Variants in EPS8L2 observed in about 807,000 individuals in gnomAD.
EPS8L2 encodes EPS8 signaling adaptor L2, also known as epidermal growth factor receptor kinase substrate 8-like protein 2.
EPS8L2 carries 81 observed loss-of-function variants against 99.4 expected under a neutral mutation model. That is an observed-to-expected ratio of 0.82 (90% CI 0.68 to 0.98). The LOEUF (loss-of-function observed/expected upper bound fraction) is 0.98. Among genes scored for constraint, EPS8L2 ranks in the 50% least tolerant of loss-of-function variants. EPS8L2 has a pLI of 0.00. For synonymous variants in EPS8L2, 509 were observed against 407.3 expected (o/e 1.25, Z -3.01); for missense variants, 1,155 against 968.8 (o/e 1.19, Z -2.55).
chr11:714,642 AATTTT>A (rs1564971860), intron 4 of EPS8L2, among the ~76,000 whole-genome samples: 1 of 144,834 alleles, frequency 6.9e-6, no homozygotes, highest in East Asian at 2.0e-4. Context: ...TTAATTTTTA[AATTTT>A]ATTTTATATT....
chr11:719,184 C>T (rs2133520148), intron 4 of EPS8L2, among the ~76,000 whole-genome samples: 1 of 150,152 alleles, frequency 6.7e-6, no homozygotes, highest in East Asian at 2.0e-4. Flanking sequence ...CTAGGCTGGT[C>T]TCGAACTCCT....
intron 4 of EPS8L2, among the ~76,000 whole-genome samples, chr11:716,381 T>C (rs1483801742): frequency 1.3e-5 from 2 of 151,982 alleles, no homozygotes; most frequent in African/African-American, 4.8e-5. Context: ...ATCTCCTGAC[T>C]TTGTGATCTG....
chr11:724,815 G>C lies in EPS8L2; in HGVS notation c.1546G>C (p.Asp516His). The part of the protein sequence containing the change: ...RNANELSVLK[D>H]EVLEVLEDGR... Reference sequence around the variant, plus strand: ...TGCCAACGAGCTATCGGTGCTCAAGGATGAGGTCCTAGAGGTGAGGGGCTG... The same window carrying C: ...TGCCAACGAGCTATCGGTGCTCAAGCATGAGGTCCTAGAGGTGAGGGGCTG... Residue 516 changes from aspartate (D) to histidine (H), a missense_variant, in exon 16 of 21, where the codon GAT (aspartate) becomes CAT (histidine). Asp to His is a moderately conservative substitution (Grantham distance 81, BLOSUM62 -1). Transcript: ENST00000318562. This position sits in a 1 kb window ranked among gnomAD's most constrained non-coding sequence, Gnocchi z 5.5. 1 of 1,612,824 alleles carries C rather than the reference G, an allele frequency of 6.2e-7. No individual in the cohort carries two copies. The highest frequency in any genetic ancestry group is 1.3e-5 in the African/African-American group (1 of 75,056).
chr11:722,132 GCTCGTGCACTTC>G lies in EPS8L2; in HGVS notation c.1030_1041del (p.Val344_Leu347del). On this transcript the variant is annotated inframe_deletion, in exon 12 of 21. Transcript: ENST00000318562. ...ACATCCAGAACCCCAGCGCCGCGGA[GCTCGTGCACTTC>G]CTCTTCGGGCCTCTGGACCTGGTGC... The G allele has an allele frequency of 1.2e-6, 2 of 1,612,958 alleles. No individual in the cohort carries two copies. Among genetic ancestry groups the G allele is most frequent in the Non-Finnish European group, 1.7e-6 (2 of 1,179,872 alleles).
rs1490694172 is a variant in EPS8L2 at position 724,111 on chromosome 11, C to T, written c.1455-613C>T. On this transcript the variant is annotated intron_variant, in intron 15 of 20. Transcript: ENST00000318562. The surrounding 1 kb of genome is among the most constrained non-coding windows in gnomAD (Gnocchi z 5.5). ...TCCATGGCCACTTCATTTCCCTGAG[C>T]ACCTGGACACGGGAGCTGCCCTGAT... Among the ~76,000 whole-genome samples the T allele has an allele frequency of 6.6e-6, 1 of 152,184 alleles. No homozygotes were observed. The highest frequency in any genetic ancestry group is 2.4e-5 in the African/African-American group (1 of 41,446).
At chr11:718,481 A>ATTTTTTTTTTTT (rs748666010) in intron 4 of EPS8L2, among the ~76,000 whole-genome samples, 1 of 141,030 alleles carries the variant, frequency 7.1e-6, no homozygotes, top group Non-Finnish European at 1.5e-5. Context: ...TGCTTTTTTA[A>ATTTTTTTTTTTT]TTTTTTTTTT....
At chr11:714,007 C>T (rs1232709476) in intron 4 of EPS8L2, among the ~76,000 whole-genome samples, 6 of 152,164 alleles carry the variant, frequency 3.9e-5, no homozygotes, top group South Asian at 2.1e-4. Flanking sequence ...GCTGGGATGA[C>T]GGACTGAGTC....
intron 1 of EPS8L2, 37 bp from the exon 2 acceptor site, chr11:709,293 C>G: frequency 7.8e-7 from 1 of 1,276,938 alleles, no homozygotes; most frequent in Non-Finnish European, 1.1e-6. Context: ...CCAGCCAGGC[C>G]GGAGGAAGTG....
Position 709,554 on chromosome 11 carries a change from G to A in EPS8L2, c.46G>A (p.Gly16Ser), listed in dbSNP as rs1220186047. 16 of 1,612,914 alleles carry A rather than the reference G, an allele frequency of 9.9e-6. No individual in the cohort carries two copies. The highest frequency in any genetic ancestry group is 1.3e-5 in the Non-Finnish European group (15 of 1,179,910). Reference protein sequence around the residue: ...AVSCCPGATNGSLGRSDGVAK... With the variant: ...AVSCCPGATNSSLGRSDGVAK... ...GCCCTGACAGCCCCTCCCCTGCAGT[G>A]GCAGCCTGGGCCGGTCCGACGGTGT... The change falls in exon 3 of 21, where the codon GGC becomes AGC. Residue 16 changes from glycine (G) to serine (S), a missense_variant and splice_region_variant. Transcript: ENST00000318562.
chr11:720,491 C>T, intron 5 of EPS8L2, 106 bp from the exon 6 acceptor site: 1 of 1,502,862 alleles, frequency 6.7e-7, no homozygotes, highest in Non-Finnish European at 9.0e-7. Context: ...CATTCCCCAG[C>T]GGCGCCAGAG....
In EPS8L2 at chr11:725,717, G is replaced by A. The variant is rs976744358; in HGVS notation, c.1561-11G>A. 13 of 1,312,548 alleles carry A rather than the reference G, an allele frequency of 9.9e-6. No homozygotes were observed. In the African/African-American group the frequency reaches 1.2e-4, roughly 12 times the overall value. 81.3% of individuals were successfully genotyped at this position (1,312,548 alleles called of 1,614,324 possible). A position where few individuals can be genotyped will look rare whatever the true frequency, so the allele number is the denominator to read the frequency against. ...CTGGGTGTGGGGAGGGGCTGACGGC[G>A]CGCCCCGCAGGTGCTGGAGGACGGC... On this transcript the variant is annotated splice_polypyrimidine_tract_variant and intron_variant, in intron 16 of 20. Transcript: ENST00000318562.
intron 13 of EPS8L2, 56 bp downstream of exon 13, chr11:722,605 G>A: frequency 6.2e-7 from 1 of 1,609,862 alleles, no homozygotes; most frequent in Non-Finnish European, 8.5e-7. Flanking sequence ...CTGCATGGGG[G>A]CCAGCAAGGG....
chr11:726,826 C>A (rs1441362723), intron 20 of EPS8L2, 75 bp downstream of exon 20: 34 of 1,583,600 alleles, frequency 2.1e-5, no homozygotes, highest in Non-Finnish European at 2.4e-5. Flanking sequence ...TTCCTGGGGT[C>A]GCAGAGCAAG....
In EPS8L2 at chr11:721,654, G is replaced by A. The variant is rs1178164008; in HGVS notation, c.858G>A (p.Arg286=). The stretch of plus-strand genomic sequence containing the variant: ...AGGCTTTCAAGCAGCTGAACCAGCG[G>A]AAAAAGGGGAAGAAGAAGGGCAAGA... The part of the protein sequence containing the change: ...AAEAFKQLNQ[R]KKGKKKGKKA... Residue 286 remains arginine, a synonymous_variant, in exon 10 of 21, where the codon CGG becomes CGA. Transcript: ENST00000318562. 3 of 1,585,872 alleles carry A rather than the reference G, an allele frequency of 1.9e-6. No individual in the cohort carries two copies. The highest frequency in any genetic ancestry group is 2.6e-6 in the Non-Finnish European group (3 of 1,169,026).
chr11:725,681 C>A (rs1010930431), intron 16 of EPS8L2, 47 bp from the exon 17 acceptor site: 16 of 1,292,374 alleles, frequency 1.2e-5, no homozygotes, highest in Non-Finnish European at 1.6e-5. Flanking sequence ...GTGGTCCCAG[C>A]CCCGCAGAGC....
At chr11:709,487 C>CA in intron 2 of EPS8L2, 36 bp downstream of exon 2, 1 of 1,603,282 alleles carries the variant, frequency 6.2e-7, no homozygotes, top group Non-Finnish European at 8.5e-7. Flanking sequence ...ACCCCACCCT[C>CA]ACCCTCTGAA....
intron 4 of EPS8L2, among the ~76,000 whole-genome samples, chr11:719,726 G>A (rs554783144): frequency 2.0e-5 from 3 of 152,362 alleles, no homozygotes; most frequent in African/African-American, 7.2e-5. Flanking sequence ...CAGAGGGGAC[G>A]TCTGAGAAGG....
Position 721,505 on chromosome 11 carries a change from G to A in EPS8L2, c.769-60G>A, listed in dbSNP as rs1340428477. 7.2e-6 allele frequency: 11 copies of A among 1,517,372 alleles called. No individual in the cohort carries two copies. The East Asian group carries it at 1.6e-4, about 22-fold the overall frequency. The allele number at this position is 1,517,372 out of a possible 1,614,324, so 94.0% of individuals were successfully genotyped here. On this transcript the variant is annotated intron_variant, in intron 9 of 20. Transcript: ENST00000318562. ...TCCCATCATCTGTGGGGCTGTCCCTGCAGCAAGGCGGGGCGGTGGGGAGTG... is the reference window on the plus strand; with the variant it reads ...TCCCATCATCTGTGGGGCTGTCCCTACAGCAAGGCGGGGCGGTGGGGAGTG...
At chr11:719,995 C>G in intron 4 of EPS8L2, 67 bp from the exon 5 acceptor site, 1 of 1,503,384 alleles carries the variant, frequency 6.7e-7, no homozygotes, top group South Asian at 1.3e-5. Flanking sequence ...CAGGCTGTGG[C>G]CCCTGGGGGC....
Sources: allele counts gnomAD v4.1 joint callset (sites outside exome capture counted in the v4.1 genomes callset), GRCh38; gene constraint gnomAD v4.1.1; non-coding constraint Gnocchi (gnomAD v3.1); transcripts MANE v1.5; gene names NCBI Gene and HGNC (gene_info 2026-07-23, HGNC 2026-07-21).